The following CEP97 variants were observed in gnomAD, a reference collection of about 807,000 sequenced individuals.
The protein encoded by CEP97 is centrosomal protein of 97 kDa.
In CEP97, 43 loss-of-function variants were observed where a neutral mutation model predicts 73.1. That is an observed-to-expected ratio of 0.59 (90% confidence interval 0.46 to 0.76). The LOEUF is 0.76. Ranked by LOEUF, CEP97 falls within the 30% of genes least tolerant of loss-of-function variation. CEP97 has a pLI of 0.00. For missense variants in CEP97, 939 were observed against 1,014.0 expected, an observed-to-expected ratio of 0.93 and a Z score of 1.00; for synonymous variants, 337 against 370.0, an observed-to-expected ratio of 0.91 and a Z score of 1.02.
intron 6 of CEP97, among the ~76,000 whole-genome samples, chr3:101,737,600 A>C (rs1048428386): frequency 2.0e-5 from 3 of 152,224 alleles, no homozygotes; most frequent in African/African-American, 7.2e-5. Flanking sequence ...AAGCTTCATA[A>C]GTGAAGGAGA....
In CEP97 at chr3:101,724,638, G is replaced by C. The variant is rs1553786519; in HGVS notation, c.-39G>C. The C allele has an allele frequency of 6.2e-7, 1 of 1,613,386 alleles. No homozygotes were observed. Among genetic ancestry groups the C allele is most frequent in the Admixed American group, 1.7e-5 (1 of 60,008 alleles). On this transcript the variant is annotated 5_prime_UTR_variant, in exon 1 of 11. Transcript: ENST00000341893. ...CAGATTACAAGCTCCACAGAGCCGC[G>C]GGAGGACGGTTGCCTGGTATTATTA...
intron 6 of CEP97, among the ~76,000 whole-genome samples, chr3:101,733,016 A>C (rs1938162564): frequency 6.6e-6 from 1 of 151,274 alleles, no homozygotes; most frequent in African/African-American, 2.4e-5. Context: ...CTAGCTACTT[A>C]GGAAGCTGAG....
Position 101,757,963 on chromosome 3 carries a change from G to A in CEP97, c.1357G>A (p.Glu453Lys). Reference sequence around the variant, plus strand: ...AAGCCAGGTGTTGGATAAGGAAGAGGAACAGCCTTTATGGGCTGCAAATGA... The same window carrying A: ...AAGCCAGGTGTTGGATAAGGAAGAGAAACAGCCTTTATGGGCTGCAAATGA... ...LESQVLDKEE[E>K]QPLWAANENS... Residue 453 changes from glutamate to lysine, a missense_variant, in exon 9 of 11, where the codon GAA (glutamate) becomes AAA (lysine). Physicochemically the swap from Glu to Lys is moderately conservative, Grantham distance 56 (BLOSUM62 1). Transcript: ENST00000341893. The A allele has an allele frequency of 1.2e-6, 2 of 1,614,198 alleles. No homozygotes were observed. Among genetic ancestry groups the A allele is most frequent in the South Asian group, 2.2e-5 (2 of 91,082 alleles).
At chr3:101,751,886 T>C (rs1404248331) in intron 6 of CEP97, among the ~76,000 whole-genome samples, 1 of 152,200 alleles carries the variant, frequency 6.6e-6, no homozygotes, top group Non-Finnish European at 1.5e-5. Flanking sequence ...TCTGTGTCTT[T>C]TAATTGGAGC....
chr3:101,763,000 G>A (rs1939211974), intron 10 of CEP97: 1 of 1,106,550 alleles, frequency 9.0e-7, no homozygotes. Flanking sequence ...GCACACTTTA[G>A]GGACAGTTTA....
Position 101,743,481 on chromosome 3 carries a change from C to T in CEP97, c.728+10827C>T, listed in dbSNP as rs371308112. Among the ~76,000 whole-genome samples, 12 of 152,044 alleles carry T rather than the reference C, an allele frequency of 7.9e-5. No individual in the cohort carries two copies. In the South Asian group the frequency reaches 1.0e-3, roughly 13 times the overall value. On this transcript the variant is annotated intron_variant, in intron 6 of 10. Transcript: ENST00000341893. ...CATGATCATAGCTCATTGTAACCTC[C>T]GCCTCCTACGCTGAAGGGACCGTCC...
intron 9 of CEP97, 23 bp downstream of exon 9, chr3:101,758,446 G>A (rs1939082834): frequency 6.2e-7 from 1 of 1,611,846 alleles, no homozygotes; most frequent in Non-Finnish European, 8.5e-7. Context: ...TCCTTTTGAT[G>A]CACTGTTTTG....
chr3:101,744,692 C>A (rs1938562545), intron 6 of CEP97, among the ~76,000 whole-genome samples: 1 of 152,078 alleles, frequency 6.6e-6, no homozygotes, highest in African/African-American at 2.4e-5. Flanking sequence ...AACAGTGCTC[C>A]CATGCTTTAA....
intron 6 of CEP97, among the ~76,000 whole-genome samples, chr3:101,742,075 A>G (rs184869760): frequency 6.6e-6 from 1 of 152,098 alleles, no homozygotes; most frequent in Non-Finnish European, 1.5e-5. Flanking sequence ...AAAAAACAAA[A>G]AAAACAGGAA....
intron 6 of CEP97, among the ~76,000 whole-genome samples, chr3:101,742,169 C>T (rs1007902246): frequency 3.9e-5 from 6 of 152,066 alleles, no homozygotes; most frequent in Non-Finnish European, 8.8e-5. Context: ...TTGTGGAAGA[C>T]AGTGTGGCAA....
At chr3:101,756,275 T>G (rs1483249922) in intron 7 of CEP97, among the ~76,000 whole-genome samples, 2 of 152,058 alleles carry the variant, frequency 1.3e-5, no homozygotes, top group African/African-American at 4.8e-5. Flanking sequence ...GCCAGGCTGG[T>G]CTTGAACTCC....
intron 4 of CEP97, among the ~76,000 whole-genome samples, chr3:101,730,326 C>T (rs561493424): frequency 2.0e-5 from 3 of 150,812 alleles, no homozygotes; most frequent in Admixed American, 6.6e-5. Context: ...AGTGCAGTGG[C>T]GCAATCTCGG....
intron 6 of CEP97, among the ~76,000 whole-genome samples, chr3:101,748,823 G>A (rs1243306961): frequency 6.6e-6 from 1 of 152,054 alleles, no homozygotes; most frequent in Non-Finnish European, 1.5e-5. Flanking sequence ...TGTATTTTTA[G>A]TAGAGACGGG....
At position 101,765,610 on chromosome 3, in the gene CEP97, T is replaced by G; in HGVS notation, c.*59T>G. The G allele has an allele frequency of 7.1e-7, 1 of 1,403,332 alleles. No individual in the cohort carries two copies. The allele number at this position is 1,403,332 out of a possible 1,614,324, so 86.9% of individuals were successfully genotyped here. Reference sequence around the variant, plus strand: ...TTTCTTAAAAATACTTTCAGTTGCCTTTGCTTTTTTTTGGAGGGAAATACT... The same window carrying G: ...TTTCTTAAAAATACTTTCAGTTGCCGTTGCTTTTTTTTGGAGGGAAATACT... On this transcript the variant is annotated 3_prime_UTR_variant, in exon 11 of 11. Transcript: ENST00000341893.
chr3:101,740,915 A>T (rs1057013408), intron 6 of CEP97, among the ~76,000 whole-genome samples: 1 of 152,200 alleles, frequency 6.6e-6, no homozygotes, highest in Non-Finnish European at 1.5e-5. Context: ...CAGAATTAGA[A>T]AAAAATACTT....
chr3:101,734,512 G>A (rs889196102), intron 6 of CEP97, among the ~76,000 whole-genome samples: 49 of 152,088 alleles, frequency 3.2e-4, no homozygotes, highest in Admixed American at 7.9e-4. Context: ...TACAGACAGC[G>A]TCTCCCTTCT....
At position 101,753,150 on chromosome 3, in the gene CEP97, A is replaced by G. The variant is rs1938888458; in HGVS notation, c.729-2280A>G. On this transcript the variant is annotated intron_variant, in intron 6 of 10. Transcript: ENST00000341893. ...AGCTGCAGGTCTGTTGGAGTTTGCT[A>G]GAGGTCCACTCCAGACCCTGTTTGC... Among the ~76,000 whole-genome samples the G allele has an allele frequency of 1.3e-5, 2 of 152,300 alleles. 1 individual carries two copies. Among genetic ancestry groups the G allele is most frequent in the Non-Finnish European group, 2.9e-5 (2 of 68,032 alleles).
rs772737177 is a variant in CEP97, at chr3:101,728,905, A to G, written c.415A>G (p.Ile139Val). ...LDLSDNNISQ[I>V]GDLSKLVSLK... ...TTTATCAGACAATAATATATCCCAG[A>G]TAGGTGATCTATCTAAATTGGTATC... Residue 139 changes from isoleucine to valine, a missense_variant, in exon 4 of 11, where the codon ATA (isoleucine) becomes GTA (valine). Ile to Val is a conservative substitution (Grantham distance 29). Coordinates refer to ENST00000341893, the MANE Select transcript of CEP97 (RefSeq NM_024548.4). 2 of 1,594,472 alleles carry G rather than the reference A, an allele frequency of 1.3e-6. No individual in the cohort carries two copies. Among genetic ancestry groups the G allele is most frequent in the Non-Finnish European group, 1.7e-6 (2 of 1,162,228 alleles).
intron 6 of CEP97, among the ~76,000 whole-genome samples, chr3:101,740,836 G>T (rs560529885): frequency 6.6e-6 from 1 of 152,142 alleles, no homozygotes; most frequent in African/African-American, 2.4e-5. Flanking sequence ...TGATCCACCC[G>T]CCTCGGCCTC....
Sources: gnomAD v4.1 joint callset for allele counts (sites outside exome capture counted in the v4.1 genomes callset) on GRCh38, gnomAD v4.1.1 for gene constraint, MANE v1.5 for transcripts, NCBI Gene and HGNC (gene_info 2026-07-23, HGNC 2026-07-21) for gene names.